The following TGFBR2 variants were observed in gnomAD, a reference collection of about 807,000 sequenced individuals.
TGFBR2 encodes transforming growth factor beta receptor 2, also known as TGF-beta receptor type-2.
TGFBR2 carries 18 observed loss-of-function variants against 49.0 expected under a neutral mutation model. That is an observed-to-expected ratio of 0.37 (90% CI 0.25 to 0.54). TGFBR2 has a LOEUF of 0.54. TGFBR2 is among the 20% of genes least tolerant of loss of function. The probability of loss-of-function intolerance (pLI) is 0.85; values close to 1 mark genes in which losing one functional copy is unlikely to be tolerated. For synonymous variants in TGFBR2, 282 were observed against 275.9 expected, an observed-to-expected ratio of 1.02 and a Z score of -0.22; for missense variants, 525 against 722.6, an observed-to-expected ratio of 0.73 and a Z score of 3.13.
At chr3:30,626,175 T>A (rs536245529) in intron 1 of TGFBR2, among the ~76,000 whole-genome samples, 64 of 152,274 alleles carry the variant, frequency 4.2e-4, no homozygotes, top group African/African-American at 1.4e-3. Context: ...AAATGAAGAA[T>A]TTCACCAGAG....
intron 1 of TGFBR2, among the ~76,000 whole-genome samples, chr3:30,607,791 A>AAAAT (rs1553624154): frequency 1.5e-5 from 2 of 135,310 alleles, no homozygotes; most frequent in African/African-American, 6.3e-5. Context: ...AAAAAATAAA[A>AAAAT]ATAAAAAAAT....
Position 30,662,045 on chromosome 3 carries a change from T to C in TGFBR2, c.455-9593T>C, listed in dbSNP as rs544443385. On this transcript the variant is annotated intron_variant, in intron 3 of 6. Transcript: ENST00000295754. ...AATGATCTAGGGGTTGTGAGTTTCA[T>C]ATCCAGCAGGAGTTTAATAGTTCTC... Among the ~76,000 whole-genome samples, 5 of 152,320 alleles carry C rather than the reference T, an allele frequency of 3.3e-5. No individual in the cohort carries two copies. In the East Asian group the frequency reaches 9.6e-4, roughly 29 times the overall value.
chr3:30,640,854 C>T (rs996187578), intron 1 of TGFBR2, among the ~76,000 whole-genome samples: 3 of 152,126 alleles, frequency 2.0e-5, no homozygotes, highest in Admixed American at 6.5e-5. Context: ...GGTTTTGTAT[C>T]GTTGTTTAGA....
intron 6 of TGFBR2, 149 bp from the exon 7 acceptor site, chr3:30,691,271 A>G: frequency 2.4e-6 from 2 of 834,342 alleles, no homozygotes; most frequent in Non-Finnish European, 3.9e-6. Flanking sequence ...GCTGGCCTGC[A>G]GCAGCAGGCA....
intron 1 of TGFBR2, 49 bp downstream of exon 1, chr3:30,607,026 G>T (rs1326527184): frequency 1.3e-6 from 2 of 1,501,752 alleles, no homozygotes; most frequent in South Asian, 2.4e-5. Context: ...GGTCTTCCTG[G>T]GGTCCCCGCC....
intron 5 of TGFBR2, 130 bp from the exon 6 acceptor site, chr3:30,688,254 C>G: frequency 8.3e-7 from 1 of 1,211,220 alleles, no homozygotes; most frequent in Non-Finnish European, 1.2e-6. Flanking sequence ...AAAATTTGCT[C>G]TTAGAGTAAT....
At chr3:30,615,892 A>AGTTTTTT (rs1698123929) in intron 1 of TGFBR2, among the ~76,000 whole-genome samples, 1 of 151,074 alleles carries the variant, frequency 6.6e-6, no homozygotes. Flanking sequence ...AAGACCGGCC[A>AGTTTTTT]GTTTTTTGTT....
chr3:30,638,942 G>T (rs184725546), intron 1 of TGFBR2, among the ~76,000 whole-genome samples: 1 of 152,222 alleles, frequency 6.6e-6, no homozygotes, highest in East Asian at 1.9e-4. Flanking sequence ...CGGAAATGCT[G>T]CAGGCAATTA....
intron 2 of TGFBR2, among the ~76,000 whole-genome samples, chr3:30,648,684 G>A (rs1698822528): frequency 6.6e-6 from 1 of 151,992 alleles, no homozygotes; most frequent in Non-Finnish European, 1.5e-5. Context: ...GACCAACTTA[G>A]CAAAGCCTTG....
chr3:30,620,013 C>T (rs1698198512), intron 1 of TGFBR2, among the ~76,000 whole-genome samples: 1 of 152,140 alleles, frequency 6.6e-6, no homozygotes, highest in South Asian at 2.1e-4. Context: ...CGATGAAACC[C>T]TGTCTCTACT....
intron 5 of TGFBR2, among the ~76,000 whole-genome samples, chr3:30,683,222 A>G (rs766614216): frequency 4.6e-5 from 7 of 152,200 alleles, no homozygotes; most frequent in Non-Finnish European, 1.0e-4. Flanking sequence ...GTCAAAATGC[A>G]TCTCACATTC....
chr3:30,607,516 G>A (rs1027331860), intron 1 of TGFBR2, among the ~76,000 whole-genome samples: 1 of 152,176 alleles, frequency 6.6e-6, no homozygotes, highest in African/African-American at 2.4e-5. Context: ...CAAGTTTCAA[G>A]AAAATAATCG....
intron 3 of TGFBR2, among the ~76,000 whole-genome samples, chr3:30,653,392 C>T (rs1698933438): frequency 6.6e-6 from 1 of 151,618 alleles, no homozygotes; most frequent in Admixed American, 6.6e-5. Flanking sequence ...GCTGGGATTA[C>T]AGGCATCTGC....
intron 1 of TGFBR2, among the ~76,000 whole-genome samples, chr3:30,608,169 C>G (rs1209815887): frequency 2.6e-5 from 4 of 151,966 alleles, no homozygotes; most frequent in Non-Finnish European, 5.9e-5. Context: ...GATCTCTTGA[C>G]CTCGTGATCC....
At chr3:30,628,036 G>A (rs1417434923) in intron 1 of TGFBR2, among the ~76,000 whole-genome samples, 2 of 150,192 alleles carry the variant, frequency 1.3e-5, no homozygotes, top group African/African-American at 2.4e-5. Flanking sequence ...AAACCAGATA[G>A]TCTAATGTTT....
intron 1 of TGFBR2, among the ~76,000 whole-genome samples, chr3:30,630,324 G>T (rs995177795): frequency 2.2e-4 from 34 of 152,198 alleles, no homozygotes; most frequent in Admixed American, 1.8e-3. Flanking sequence ...TTAAGAAATA[G>T]AAAGCATTAT....
At chr3:30,680,430 T>C (rs1335158844) in intron 5 of TGFBR2, among the ~76,000 whole-genome samples, 7 of 152,210 alleles carry the variant, frequency 4.6e-5, no homozygotes, top group Non-Finnish European at 7.3e-5. Context: ...AAAGTATTTA[T>C]TGAGTACCTA....
At chr3:30,663,058 C>T (rs538145975) in intron 3 of TGFBR2, among the ~76,000 whole-genome samples, 29 of 152,170 alleles carry the variant, frequency 1.9e-4, no homozygotes, top group Middle Eastern at 3.4e-3. Flanking sequence ...CTTAGAATAA[C>T]GAGGTGACAA....
chr3:30,640,029 T>C (rs547545836), intron 1 of TGFBR2, among the ~76,000 whole-genome samples: 1 of 152,276 alleles, frequency 6.6e-6, no homozygotes, highest in African/African-American at 2.4e-5. Flanking sequence ...GTTCCAGAAA[T>C]AGACACAGCT....
Sources: allele counts gnomAD v4.1 joint callset (sites outside exome capture counted in the v4.1 genomes callset), GRCh38; gene constraint gnomAD v4.1.1; transcripts MANE v1.5; gene names NCBI Gene and HGNC (gene_info 2026-07-23, HGNC 2026-07-21).